Variants in TTLL6 observed in about 807,000 individuals in gnomAD.
The protein encoded by TTLL6 is tubulin tyrosine ligase like 6.
In TTLL6, 75 loss-of-function variants were observed where a neutral mutation model predicts 96.4. That is an observed-to-expected ratio of 0.78 (90% CI 0.65 to 0.94). The LOEUF (loss-of-function observed/expected upper bound fraction) is 0.94. Among genes scored for constraint, TTLL6 ranks in the 40% least tolerant of loss-of-function variants. The probability of loss-of-function intolerance (pLI) is 0.00; values close to 1 mark genes in which losing one functional copy is unlikely to be tolerated. For synonymous variants in TTLL6, 411 were observed against 419.4 expected, an observed-to-expected ratio of 0.98 and a Z score of 0.24; for missense variants, 1,030 against 1,093.0, an observed-to-expected ratio of 0.94 and a Z score of 0.81.
intron 15 of TTLL6, among the ~76,000 whole-genome samples, chr17:48,766,117 T>C (rs2038599295): frequency 6.6e-6 from 1 of 152,212 alleles, no homozygotes; most frequent in Middle Eastern, 3.2e-3. Flanking sequence ...AAGATTCAAC[T>C]GATGGGGAAG....
chr17:48,812,630 C>T (rs1598008163), intron 1 of TTLL6, among the ~76,000 whole-genome samples: 1 of 152,344 alleles, frequency 6.6e-6, no homozygotes, highest in Admixed American at 6.5e-5. Context: ...GTGCTCTCTA[C>T]CATTACCAGC....
intron 13 of TTLL6, among the ~76,000 whole-genome samples, chr17:48,778,052 A>G (rs2038912845): frequency 6.6e-6 from 1 of 152,286 alleles, no homozygotes; most frequent in African/African-American, 2.4e-5. Flanking sequence ...CCAGGCGGGC[A>G]GGTCACTTGA....
intron 13 of TTLL6, among the ~76,000 whole-genome samples, chr17:48,782,596 T>C (rs972141337): frequency 6.6e-6 from 1 of 152,264 alleles, no homozygotes; most frequent in African/African-American, 2.4e-5. Context: ...TAGTGGCATA[T>C]GCCCAAGAAA....
chr17:48,763,838 A>G (rs1263785504), intron 15 of TTLL6, among the ~76,000 whole-genome samples: 1 of 151,764 alleles, frequency 6.6e-6, no homozygotes, highest in Non-Finnish European at 1.5e-5. Flanking sequence ...AAAAAAACAG[A>G]AAGAAAAAGT....
rs1210715848 is a variant in TTLL6 at position 48,804,815 on chromosome 17, G to A, written c.280C>T (p.Gln94Ter). 18 of 1,552,298 alleles carry A rather than the reference G, an allele frequency of 1.2e-5. No individual in the cohort carries two copies. The highest frequency in any genetic ancestry group is 1.7e-6 in the Non-Finnish European group (2 of 1,147,128). ...RENPGAQNGLQNAQQQGKKKR... is the reference protein window; with the variant it reads ...RENPGAQNGL Reference sequence around the variant, plus strand: ...TTCTTGCCTTGCTGCTGGGCATTCTGAAGTCCGTTTTGTGCCCCTGGGTTC... The same window carrying A: ...TTCTTGCCTTGCTGCTGGGCATTCTAAAGTCCGTTTTGTGCCCCTGGGTTC... Residue 94 changes from glutamine (Q) to a stop codon, truncating the protein, a stop_gained, in exon 2 of 16, where the codon CAG becomes TAG. Coordinates refer to ENST00000393382, the MANE Select transcript of TTLL6 (RefSeq NM_001130918.3). LOFTEE classifies it high-confidence loss of function.
Position 48,797,094 on chromosome 17 carries a change from C to G in TTLL6, c.879G>C (p.Thr293=), listed in dbSNP as rs775880278. Residue 293 remains threonine, a synonymous_variant, in exon 7 of 16, where the codon ACG becomes ACC. Coordinates refer to ENST00000393382, the MANE Select transcript of TTLL6 (RefSeq NM_001130918.3). ...CTGTGCAAGGGCGGGAGTAAGAGGT[C>G]GTCGCAAAGCGGGCCAGTCCTTCAT... ...VYNEGLARFA[T]TSYSRPCTDN... is the part of the protein sequence containing the mutation. The G allele has an allele frequency of 6.4e-7, 1 of 1,551,098 alleles. No individual in the cohort carries two copies. The highest frequency in any genetic ancestry group is 1.4e-5 in the African/African-American group (1 of 72,838).
chr17:48,804,057 T>G (rs545763868), intron 2 of TTLL6, 129 bp from the exon 3 acceptor site: 1 of 1,045,838 alleles, frequency 9.6e-7, no homozygotes, highest in Non-Finnish European at 1.4e-6. Context: ...AAGCCTGGTT[T>G]GACCGTCCCT....
Position 48,785,039 on chromosome 17 carries a change from G to T in TTLL6, c.1924C>A (p.Leu642Ile). 1.2e-6 allele frequency: 2 copies of T among 1,614,154 alleles called. No homozygotes were observed. Among genetic ancestry groups the T allele is most frequent in the African/African-American group, 2.7e-5 (2 of 75,054 alleles). ...AGATTGATATTCCTCAGATCGGGTA[G>T]AGAACTGAAGGGCTTCGCAGACGTC... ...KLTSAKPFSS[L>I]PDLRNINLSS... Residue 642 changes from leucine (L) to isoleucine (I), a missense_variant, in exon 13 of 16, where the codon CTA becomes ATA. Coordinates refer to ENST00000393382, the MANE Select transcript of TTLL6 (RefSeq NM_001130918.3).
intron 1 of TTLL6, among the ~76,000 whole-genome samples, chr17:48,810,939 T>C (rs510326): frequency 0.63 from 91,755 of 145,062 alleles, 29,403 homozygotes; most frequent in East Asian, 0.92. Context: ...TATTCCTTCA[T>C]GCCAGCAATC....
At position 48,817,036 on chromosome 17, in the gene TTLL6, GC is replaced by G; in HGVS notation, c.36del (p.Pro13ArgfsTer19). ...GALLLHPSRR[G>X]PAGVVASWTS... The stretch of plus-strand genomic sequence containing the variant: ...GTCCAGCTTGCAACCACACCTGCCG[GC>G]CCCCTCCTCGAAGGATGAAGGAGTA... On this transcript the variant is annotated frameshift_variant, in exon 1 of 16. Transcript: ENST00000393382. LOFTEE classifies it high-confidence loss of function. 6.5e-7 allele frequency: 1 copy of G among 1,544,038 alleles called. No individual in the cohort carries two copies. The highest frequency in any genetic ancestry group is 1.2e-5 in the South Asian group (1 of 83,828).
At position 48,817,066 on chromosome 17, in the gene TTLL6, C is replaced by T. The variant is rs1426919979; in HGVS notation, c.7G>A (p.Ala3Thr). Residue 3 changes from alanine to threonine, a missense_variant, in exon 1 of 16, where the codon GCG becomes ACG. By Grantham distance (58) the Ala-to-Thr change is moderately conservative. Coordinates refer to ENST00000393382, the MANE Select transcript of TTLL6 (RefSeq NM_001130918.3). Reference protein sequence around the residue: MGALLLHPSRRGP... With the variant: MGTLLLHPSRRGP... ...CTCCTCGAAGGATGAAGGAGTAACG[C>T]TCCCATTGGCTGCCAGACAGCCCCA... The T allele has an allele frequency of 6.5e-7, 1 of 1,542,404 alleles. No individual in the cohort carries two copies.
chr17:48,810,825 G>GTGTATATATATATATA lies in TTLL6; in HGVS notation c.104-5835_104-5834insTATATATATATATACA, dbSNP rs368085735. Among the ~76,000 whole-genome samples, 3 of 84,354 alleles carry GTGTATATATATATATA rather than the reference G, an allele frequency of 3.6e-5. 1 individual carries two copies. The highest frequency in any genetic ancestry group is 4.1e-5 in the African/African-American group (1 of 24,644). 55.3% of individuals were successfully genotyped at this position (84,354 alleles called of 152,430 possible). On this transcript the variant is annotated intron_variant, in intron 1 of 15. Coordinates refer to ENST00000393382, the MANE Select transcript of TTLL6 (RefSeq NM_001130918.3). ...ATATACACATATATAGTATGTGTGT[G>GTGTATATATATATATA]TATATATATATATATATATATATAT...
At chr17:48,806,623 G>A (rs1343372690) in intron 1 of TTLL6, among the ~76,000 whole-genome samples, 4 of 152,012 alleles carry the variant, frequency 2.6e-5, no homozygotes, top group African/African-American at 9.7e-5. Context: ...ATCATTGAAA[G>A]AATATAACAT....
In TTLL6 at chr17:48,804,757, G is replaced by T; in HGVS notation, c.323+15C>A. ...TACCAACATGGCTCCCCATTCCCCA[G>T]CTTTCAATCCTAACCTCTTTTTCTT... On this transcript the variant is annotated intron_variant, in intron 2 of 15. Coordinates refer to ENST00000393382, the MANE Select transcript of TTLL6 (RefSeq NM_001130918.3). 1.3e-6 allele frequency: 2 copies of T among 1,550,582 alleles called. No individual in the cohort carries two copies. The highest frequency in any genetic ancestry group is 1.7e-6 in the Non-Finnish European group (2 of 1,146,058).
intron 5 of TTLL6, 48 bp from the exon 6 acceptor site, chr17:48,799,808 T>C: frequency 6.6e-7 from 1 of 1,509,746 alleles, no homozygotes; most frequent in Non-Finnish European, 9.0e-7. Flanking sequence ...TGGGGAGCAA[T>C]GAAAAGGAAG....
intron 1 of TTLL6, among the ~76,000 whole-genome samples, chr17:48,812,824 A>T (rs1357298595): frequency 6.6e-6 from 1 of 152,234 alleles, no homozygotes; most frequent in African/African-American, 2.4e-5. Context: ...TTCCTTAGCT[A>T]TATAACAGAA....
In TTLL6 at chr17:48,791,606, G is replaced by A. The variant is rs776024682; in HGVS notation, c.999-3C>T. On this transcript the variant is annotated splice_polypyrimidine_tract_variant and splice_region_variant and intron_variant, in intron 8 of 15. Coordinates refer to ENST00000393382, the MANE Select transcript of TTLL6 (RefSeq NM_001130918.3). ...ATGCACTGAAGGTGGAGAGCTTCCT[G>A]GAAGGGAACCACAGGCCAGGAGGCA... 3.1e-6 allele frequency: 5 copies of A among 1,606,030 alleles called. No individual in the cohort carries two copies. Among genetic ancestry groups the A allele is most frequent in the South Asian group, 1.1e-5 (1 of 90,558 alleles).
At chr17:48,790,153 A>G (rs1597983143) in intron 9 of TTLL6, 47 bp from the exon 10 acceptor site, 1 of 1,600,290 alleles carries the variant, frequency 6.2e-7, no homozygotes, top group Non-Finnish European at 8.5e-7. Flanking sequence ...TCCAGAATGA[A>G]AGCAGAGAGT....
intron 13 of TTLL6, among the ~76,000 whole-genome samples, chr17:48,774,082 C>CAAAAAAAAAAAAAAAAAAAAAAA (rs1159647645): frequency 2.2e-5 from 1 of 46,140 alleles, no homozygotes; most frequent in Non-Finnish European, 3.9e-5. Flanking sequence ...AACTCCATCT[C>CAAAAAAAAAAAAAAAAAAAAAAA]AAAAAAAACA....
Sources: allele counts gnomAD v4.1 joint callset (sites outside exome capture counted in the v4.1 genomes callset), GRCh38; gene constraint gnomAD v4.1.1; transcripts MANE v1.5; gene names NCBI Gene and HGNC (gene_info 2026-07-23, HGNC 2026-07-21).